The following RAD21 variants were observed in gnomAD, a reference collection of about 807,000 sequenced individuals.
The protein encoded by RAD21 is RAD21 cohesin complex component, also known as double-strand-break repair protein rad21 homolog.
RAD21 carries 18 observed loss-of-function variants against 71.5 expected under a neutral mutation model. The ratio of observed to expected loss-of-function variants is 0.25; its 90% CI spans 0.17 to 0.37. The LOEUF (loss-of-function observed/expected upper bound fraction) is 0.37. Among genes scored for constraint, RAD21 ranks in the 10% least tolerant of loss-of-function variants. The probability of loss-of-function intolerance (pLI) is 1.00; values close to 1 mark genes in which losing one functional copy is unlikely to be tolerated. For synonymous variants in RAD21, 248 were observed against 254.0 expected (o/e 0.98, Z 0.22); for missense variants, 493 against 769.1 (o/e 0.64, Z 4.25).
At chr8:116,873,352 G>A (rs1184624611) in intron 1 of RAD21, among the ~76,000 whole-genome samples, 1 of 152,110 alleles carries the variant, frequency 6.6e-6, no homozygotes, top group African/African-American at 2.4e-5. Context: ...ATCAGATATG[G>A]CGTATGTCCT....
intron 10 of RAD21, 160 bp downstream of exon 10, chr8:116,852,389 T>G: frequency 1.2e-6 from 1 of 813,632 alleles, no homozygotes; most frequent in Non-Finnish European, 1.8e-6. Context: ...GACAGGAGGC[T>G]TCATACTTAA....
At chr8:116,857,498 A>G in intron 5 of RAD21, 25 bp from the exon 6 acceptor site, 1 of 1,579,364 alleles carries the variant, frequency 6.3e-7, no homozygotes. Context: ...ATTTGTCATT[A>G]GTTTAGAAAG....
At chr8:116,871,084 A>G (rs912273658) in intron 1 of RAD21, among the ~76,000 whole-genome samples, 2 of 152,234 alleles carry the variant, frequency 1.3e-5, no homozygotes, top group Non-Finnish European at 2.9e-5. Flanking sequence ...TAACTAAAGG[A>G]AGCCAAAGGA....
Position 116,846,994 on chromosome 8 carries a change from T to C in RAD21, c.*506A>G. The C allele has an allele frequency of 4.6e-6, 1 of 218,568 alleles. No individual in the cohort carries two copies. The highest frequency in any genetic ancestry group is 9.2e-6 in the Non-Finnish European group (1 of 108,794). 13.5% of individuals were successfully genotyped at this position (218,568 alleles called of 1,614,324 possible). On this transcript the variant is annotated 3_prime_UTR_variant, in exon 14 of 14. Coordinates refer to ENST00000297338, the MANE Select transcript of RAD21 (RefSeq NM_006265.3). ...AAACGAATCTCAAGAGGGTGACCAT[T>C]GTTGTTTCAGATACCATCCCTAAGG...
At chr8:116,847,744 C>A in intron 13 of RAD21, 53 bp from the exon 14 acceptor site, 1 of 1,454,878 alleles carries the variant, frequency 6.9e-7, no homozygotes, top group Non-Finnish European at 9.4e-7. Flanking sequence ...AGTAGTAATT[C>A]AGTGAGGATG....
Position 116,847,488 on chromosome 8 carries a change from G to A in RAD21, c.*12C>T. The A allele has an allele frequency of 6.3e-7, 1 of 1,587,720 alleles. No individual in the cohort carries two copies. Among genetic ancestry groups the A allele is most frequent in the Admixed American group, 1.8e-5 (1 of 56,680 alleles). ...TAGTGAATCAAACACTAGCTATAAT[G>A]CTTCTAGCTCCTTATATAATATGGA... On this transcript the variant is annotated 3_prime_UTR_variant, in exon 14 of 14. Transcript: ENST00000297338.
chr8:116,866,824 T>A, intron 1 of RAD21, 63 bp from the exon 2 acceptor site: 5 of 1,150,966 alleles, frequency 4.3e-6, no homozygotes, highest in Non-Finnish European at 5.6e-6. Context: ...TATCAAGACA[T>A]AAGAAATTTA....
intron 1 of RAD21, among the ~76,000 whole-genome samples, chr8:116,870,761 T>C (rs1270361293): frequency 1.3e-5 from 2 of 152,230 alleles, no homozygotes; most frequent in African/African-American, 4.8e-5. Context: ...TAGAATACTA[T>C]CTGTGGCATG....
intron 1 of RAD21, among the ~76,000 whole-genome samples, chr8:116,867,345 T>C (rs1812717303): frequency 6.6e-6 from 1 of 152,202 alleles, no homozygotes; most frequent in African/African-American, 2.4e-5. Context: ...ATTATATATA[T>C]AGTTTTCTTA....
rs16888925 is a variant in RAD21 at position 116,856,988 on chromosome 8, C to T, written c.689-217G>A. 0.046 allele frequency among the ~76,000 whole-genome samples: 4,460 copies of T among 96,198 alleles called. 91 individuals carry two copies. The highest frequency in any genetic ancestry group is 0.12 in the African/African-American group (2,096 of 17,794). 63.1% of individuals were successfully genotyped at this position (96,198 alleles called of 152,430 possible). A position where few individuals can be genotyped will look rare whatever the true frequency, so the allele number is the denominator to read the frequency against. ...CATTTGTATTTTCTAGTTTATTTAT[C>T]TATTTTAAAAAATATTTTACTTAAC... On this transcript the variant is annotated intron_variant, in intron 6 of 13. Transcript: ENST00000297338.
intron 4 of RAD21, among the ~76,000 whole-genome samples, chr8:116,859,495 C>G (rs1040287239): frequency 6.6e-6 from 1 of 152,108 alleles, no homozygotes; most frequent in African/African-American, 2.4e-5. Context: ...CCCACCTAAG[C>G]CTCCCAAAGC....
At chr8:116,870,826 T>C (rs995415544) in intron 1 of RAD21, among the ~76,000 whole-genome samples, 17 of 152,246 alleles carry the variant, frequency 1.1e-4, no homozygotes, top group African/African-American at 2.9e-4. Flanking sequence ...CCAAGTGATC[T>C]CATAATTGGC....
chr8:116,864,848 A>G (rs935924236), intron 2 of RAD21, among the ~76,000 whole-genome samples: 1 of 152,158 alleles, frequency 6.6e-6, no homozygotes, highest in African/African-American at 2.4e-5. Context: ...TTAAAGTGTA[A>G]ACATAAATAT....
At chr8:116,859,470 G>A (rs888956094) in intron 4 of RAD21, among the ~76,000 whole-genome samples, 1 of 152,034 alleles carries the variant, frequency 6.6e-6, no homozygotes, top group Non-Finnish European at 1.5e-5. Flanking sequence ...CAAACCCCTG[G>A]CCTCAAGTGA....
At chr8:116,849,367 AC>A in intron 12 of RAD21, 1 of 247,422 alleles carries the variant, frequency 4.0e-6, no homozygotes. Context: ...CTCTTAAAGA[AC>A]TTCAGGATAT....
intron 5 of RAD21, 131 bp from the exon 6 acceptor site, chr8:116,857,604 T>C: frequency 1.2e-6 from 1 of 804,812 alleles, no homozygotes; most frequent in South Asian, 1.9e-5. Context: ...TGTTAAAATA[T>C]CTAGTTTAAA....
At chr8:116,860,582 T>C (rs541058102) in intron 4 of RAD21, among the ~76,000 whole-genome samples, 77 of 152,326 alleles carry the variant, frequency 5.1e-4, no homozygotes, top group Non-Finnish European at 8.8e-4. Context: ...AGATGATCAC[T>C]AGCATTTTTT....
rs1204046708 is a variant in RAD21, at chr8:116,866,657, T to C, written c.73A>G (p.Lys25Glu). 6.2e-7 allele frequency: 1 copy of C among 1,613,572 alleles called. No individual in the cohort carries two copies. Among genetic ancestry groups the C allele is most frequent in the Non-Finnish European group, 8.5e-7 (1 of 1,179,756 alleles). The change falls in exon 2 of 14, where the codon AAG (lysine) becomes GAG (glutamate). Residue 25 changes from lysine (K) to glutamate (E), a missense_variant. This residue lies in a region of RAD21 where 27 missense variants were observed against 144.1 expected (regional missense o/e 0.19). Coordinates refer to ENST00000297338, the MANE Select transcript of RAD21 (RefSeq NM_006265.3). ...AACACATGGGCTTTGGTTAGCTTCT[T>C]ATCCCAATGGGCCGCTAGCCAAATT... is the stretch of plus-strand genomic sequence containing the variant. The part of the protein sequence containing the change: ...AKIWLAAHWD[K>E]KLTKAHVFEC...
intron 13 of RAD21, among the ~76,000 whole-genome samples, chr8:116,848,010 C>T (rs1055316319): frequency 6.6e-6 from 1 of 152,210 alleles, no homozygotes; most frequent in Non-Finnish European, 1.5e-5. Flanking sequence ...CCCCCTTTGC[C>T]TTCCACCATG....
Sources: allele counts gnomAD v4.1 joint callset (sites outside exome capture counted in the v4.1 genomes callset), GRCh38; gene constraint gnomAD v4.1.1; regional missense constraint gnomAD v4.1.1; transcripts MANE v1.5; gene names NCBI Gene and HGNC (gene_info 2026-07-23, HGNC 2026-07-21).